The following FAAH2 variants were observed in gnomAD, a reference collection of about 807,000 sequenced individuals.
FAAH2 encodes the protein fatty-acid amide hydrolase 2.
In FAAH2, 60 loss-of-function variants were observed where a neutral mutation model predicts 36.9. That is an observed-to-expected ratio of 1.63 (90% confidence interval 1.32 to 2.02). The LOEUF is 2.02. Among genes scored for constraint, FAAH2 ranks in the 30% most tolerant of loss-of-function variants. The probability of loss-of-function intolerance (pLI) is 0.00; values close to 1 mark genes in which losing one functional copy is unlikely to be tolerated. For synonymous variants in FAAH2, 214 were observed against 143.8 expected, an observed-to-expected ratio of 1.49 and a Z score of -3.49; for missense variants, 689 against 397.5, an observed-to-expected ratio of 1.73 and a Z score of -6.23.
intron 7 of FAAH2, among the ~76,000 whole-genome samples, chrX:57,391,328 C>T (rs1472416362): frequency 9.0e-6 from 1 of 111,016 alleles, no homozygotes; most frequent in African/African-American, 3.3e-5. Context: ...AGTTTATGTT[C>T]CATTTGTGTA....
At chrX:57,427,272 G>A in intron 7 of FAAH2, among the ~76,000 whole-genome samples, 1 of 109,919 alleles carries the variant, frequency 9.1e-6, no homozygotes, top group Non-Finnish European at 1.9e-5. Context: ...ACAAAGAAAG[G>A]CCCAGGACCA....
At chrX:57,194,086 T>C in the FAAH2 span, among the ~76,000 whole-genome samples, 1 of 111,751 alleles carries the variant, frequency 8.9e-6, no homozygotes, top group Non-Finnish European at 1.9e-5. Flanking sequence ...TTCAGAATCA[T>C]TTGAGTAGGG....
intron 8 of FAAH2, among the ~76,000 whole-genome samples, chrX:57,440,004 G>T (rs760634214): frequency 1.2e-3 from 130 of 111,538 alleles, no homozygotes; most frequent in African/African-American, 4.2e-3. Context: ...GGTTACTGTA[G>T]CCTTGTAGTA....
At chrX:57,381,608 A>G in intron 7 of FAAH2, 2 of 542,504 alleles carry the variant, frequency 3.7e-6, no homozygotes, top group Non-Finnish European at 2.2e-6. Context: ...AAAGGGATCA[A>G]TTCAACAAGA....
At chrX:57,174,496 A>T in the FAAH2 span, among the ~76,000 whole-genome samples, 13 of 111,922 alleles carry the variant, frequency 1.2e-4, no homozygotes, top group South Asian at 1.1e-3. Flanking sequence ...CTTGGTTAAC[A>T]TAGCTAATGG....
At chrX:57,482,347 C>G (rs1447077850) in intron 10 of FAAH2, among the ~76,000 whole-genome samples, 2 of 111,703 alleles carry the variant, frequency 1.8e-5, no homozygotes, top group East Asian at 5.6e-4. Context: ...AAACAGCCAC[C>G]CAGTTTTGTG....
chrX:57,379,400 T>A (rs1487191229), intron 6 of FAAH2, among the ~76,000 whole-genome samples: 3 of 110,915 alleles, frequency 2.7e-5, no homozygotes, highest in African/African-American at 9.8e-5. Flanking sequence ...AAAATATCTT[T>A]CCATTTTGCT....
At chrX:57,259,138 C>T in the FAAH2 span, among the ~76,000 whole-genome samples, 1 of 111,653 alleles carries the variant, frequency 9.0e-6, no homozygotes, top group African/African-American at 3.3e-5. Flanking sequence ...ATCTCTTATA[C>T]ATCATGGATG....
chrX:57,371,007 C>T (rs180851824), intron 5 of FAAH2, among the ~76,000 whole-genome samples: 1 of 112,222 alleles, frequency 8.9e-6, no homozygotes, highest in African/African-American at 3.2e-5. Context: ...GCAGAATACA[C>T]ATTCTTGTCA....
the FAAH2 span, among the ~76,000 whole-genome samples, chrX:57,194,699 A>G: frequency 2.7e-5 from 3 of 110,454 alleles, no homozygotes; most frequent in Non-Finnish European, 5.7e-5. Context: ...CAAGCAGTGT[A>G]TACTGTACCC....
chrX:57,403,936 A>C (rs1251425313), intron 7 of FAAH2, among the ~76,000 whole-genome samples: 1 of 112,844 alleles, frequency 8.9e-6, no homozygotes, highest in Non-Finnish European at 1.9e-5. Flanking sequence ...TAAGATTTTT[A>C]AGTTAGTAAG....
chrX:57,181,167 A>G, the FAAH2 span, among the ~76,000 whole-genome samples: 1 of 111,848 alleles, frequency 8.9e-6, no homozygotes, highest in East Asian at 2.8e-4. Context: ...CTCACTACCA[A>G]CATCATACTG....
intron 3 of FAAH2, among the ~76,000 whole-genome samples, chrX:57,327,027 C>A (rs1184109220): frequency 1.8e-5 from 2 of 108,319 alleles, no homozygotes; most frequent in Non-Finnish European, 3.8e-5. Flanking sequence ...TCTTTCAGGG[C>A]ATGCCTGGTG....
chrX:57,252,997 C>T, the FAAH2 span, among the ~76,000 whole-genome samples: 2 of 111,263 alleles, frequency 1.8e-5, no homozygotes, highest in Non-Finnish European at 3.8e-5. Flanking sequence ...TAATCCATTG[C>T]AAGGAAGCTA....
chrX:57,234,970 G>A, the FAAH2 span, among the ~76,000 whole-genome samples: 1 of 111,486 alleles, frequency 9.0e-6, no homozygotes, highest in East Asian at 2.8e-4. Flanking sequence ...CTTTAAAGGC[G>A]GAGGTTGCAG....
the FAAH2 span, among the ~76,000 whole-genome samples, chrX:57,197,289 T>G: frequency 6.2e-5 from 7 of 112,195 alleles, no homozygotes; most frequent in Non-Finnish European, 1.1e-4. Flanking sequence ...TTTGTTCTTT[T>G]GTTTTTTAAA....
At chrX:57,438,474 A>T (rs1188254207) in intron 8 of FAAH2, among the ~76,000 whole-genome samples, 1 of 109,982 alleles carries the variant, frequency 9.1e-6, no homozygotes, top group Non-Finnish European at 1.9e-5. Flanking sequence ...ATGCTATTGG[A>T]TTGGAAAAAT....
At chrX:57,186,133 G>A in the FAAH2 span, among the ~76,000 whole-genome samples, 2 of 111,629 alleles carry the variant, frequency 1.8e-5, no homozygotes, top group Non-Finnish European at 3.8e-5. Context: ...CTAGATCCTT[G>A]AGGAATCACC....
At chrX:57,237,014 T>C in the FAAH2 span, among the ~76,000 whole-genome samples, 1 of 112,073 alleles carries the variant, frequency 8.9e-6, no homozygotes, top group Non-Finnish European at 1.9e-5. Context: ...CTATAATCTA[T>C]TTTGAAATGA....
Sources: allele counts gnomAD v4.1 joint callset (sites outside exome capture counted in the v4.1 genomes callset), GRCh38; gene constraint gnomAD v4.1.1; transcripts MANE v1.5; gene names NCBI Gene and HGNC (gene_info 2026-07-23, HGNC 2026-07-21).